The following DDX50 variants were observed in gnomAD, a reference collection of about 807,000 sequenced individuals.
DDX50 encodes DExD-box helicase 50, also known as ATP-dependent RNA helicase DDX50.
Under a neutral mutation model 94.8 loss-of-function variants are expected in DDX50, and 56 were observed. The ratio of observed to expected loss-of-function variants is 0.59; its 90% CI spans 0.48 to 0.74. The LOEUF (loss-of-function observed/expected upper bound fraction) is 0.74. DDX50 is among the 30% of genes least tolerant of loss of function. DDX50 has a pLI of 0.00. For synonymous variants in DDX50, 264 were observed against 295.4 expected (o/e 0.89, Z 1.09); for missense variants, 713 against 881.2 (o/e 0.81, Z 2.42).
intron 2 of DDX50, among the ~76,000 whole-genome samples, chr10:68,907,865 T>C (rs1589249134): frequency 6.6e-6 from 1 of 152,160 alleles, no homozygotes; most frequent in Non-Finnish European, 1.5e-5. Context: ...TTTTGCCTGG[T>C]AAAATCTGTA....
intron 7 of DDX50, among the ~76,000 whole-genome samples, chr10:68,917,018 G>A (rs935283945): frequency 6.6e-6 from 1 of 151,688 alleles, no homozygotes; most frequent in African/African-American, 2.4e-5. Context: ...AATACCTAGT[G>A]TGCACATTGC....
intron 8 of DDX50, among the ~76,000 whole-genome samples, chr10:68,933,262 G>A (rs1370442974): frequency 6.6e-6 from 1 of 152,014 alleles, no homozygotes; most frequent in Non-Finnish European, 1.5e-5. Context: ...TAGAGACAGA[G>A]TTTCACCATG....
chr10:68,938,310 C>A lies in DDX50; in HGVS notation c.1755+1215C>A, dbSNP rs144386672. Among the ~76,000 whole-genome samples, 331 of 152,350 alleles carry A rather than the reference C, an allele frequency of 2.2e-3. 2 individuals are homozygous for A. The highest frequency in any genetic ancestry group is 7.6e-3 in the African/African-American group (317 of 41,582). On this transcript the variant is annotated intron_variant, in intron 12 of 14. Transcript: ENST00000373585. ...AGGGGTTGTGTAAGTGTAACACCATCTGAACTGGCCTGCTGCCAGATTCGT... is the reference window on the plus strand; with the variant it reads ...AGGGGTTGTGTAAGTGTAACACCATATGAACTGGCCTGCTGCCAGATTCGT...
At chr10:68,926,501 A>G (rs1380475050) in intron 8 of DDX50, among the ~76,000 whole-genome samples, 1 of 151,958 alleles carries the variant, frequency 6.6e-6, no homozygotes, top group African/African-American at 2.4e-5. Context: ...GTTATATGGG[A>G]TTTTATGGAT....
chr10:68,946,460 T>C lies in DDX50; in HGVS notation c.2044T>C (p.Trp682Arg), dbSNP rs1482421534. The change falls in exon 15 of 15, where the codon TGG becomes CGG. Residue 682 changes from tryptophan to arginine, a missense_variant. Transcript: ENST00000373585. ...TSSNSRQRSG[W>R]SSGRSGRSGR... ...TTCTAATTCCAGACAGAGGAGTGGC[T>C]GGTCAAGTGGTCGATCAGGCCGGTC... is the stretch of plus-strand genomic sequence containing the variant. 6.2e-7 allele frequency: 1 copy of C among 1,614,082 alleles called. No individual in the cohort carries two copies. Among genetic ancestry groups the C allele is most frequent in the Non-Finnish European group, 8.5e-7 (1 of 1,180,044 alleles).
At chr10:68,915,790 C>T (rs1193720029) in intron 7 of DDX50, among the ~76,000 whole-genome samples, 1 of 151,824 alleles carries the variant, frequency 6.6e-6, no homozygotes, top group African/African-American at 2.4e-5. Context: ...AACATGTCAT[C>T]TTTCTATTTA....
At chr10:68,915,427 GAAA>G (rs983469956) in intron 7 of DDX50, among the ~76,000 whole-genome samples, 1 of 137,772 alleles carries the variant, frequency 7.3e-6, no homozygotes, top group Non-Finnish European at 1.6e-5. Context: ...AAAAATAAAA[GAAA>G]AAAAAGGCTG....
chr10:68,937,374 C>A (rs1391158617), intron 12 of DDX50, among the ~76,000 whole-genome samples: 1 of 133,906 alleles, frequency 7.5e-6, no homozygotes, highest in Non-Finnish European at 1.6e-5. Context: ...TGCTTTATAT[C>A]CTTTTTTAGC....
At chr10:68,909,987 T>C (rs564094739) in intron 2 of DDX50, among the ~76,000 whole-genome samples, 1 of 152,238 alleles carries the variant, frequency 6.6e-6, no homozygotes, top group South Asian at 2.1e-4. Context: ...GGCCAGGAGT[T>C]TAAGATCTGC....
chr10:68,918,576 C>T (rs1038923975), intron 7 of DDX50, among the ~76,000 whole-genome samples: 1 of 151,930 alleles, frequency 6.6e-6, no homozygotes, highest in Admixed American at 6.6e-5. Flanking sequence ...GCTGGGACTA[C>T]AGGTGCCCAT....
intron 12 of DDX50, among the ~76,000 whole-genome samples, chr10:68,939,934 ATC>A (rs1263484430): frequency 1.3e-5 from 2 of 151,454 alleles, no homozygotes; most frequent in Non-Finnish European, 2.9e-5. Flanking sequence ...TTACTGCTGA[ATC>A]TCTAGCACCT....
At chr10:68,918,434 T>G (rs1485070630) in intron 7 of DDX50, among the ~76,000 whole-genome samples, 1 of 138,678 alleles carries the variant, frequency 7.2e-6, no homozygotes. Context: ...CCTCCTTTTT[T>G]TTTTTTTTTT....
intron 4 of DDX50, among the ~76,000 whole-genome samples, chr10:68,912,481 T>TG: frequency 6.6e-6 from 1 of 152,288 alleles, no homozygotes; most frequent in East Asian, 1.9e-4. Context: ...CCCAAGGTGT[T>TG]GGGATTACAG....
intron 7 of DDX50, among the ~76,000 whole-genome samples, chr10:68,918,662 G>T (rs968414180): frequency 1.3e-5 from 2 of 151,464 alleles, no homozygotes; most frequent in East Asian, 2.0e-4. Context: ...CCTGACCTCA[G>T]GTGATCCGCT....
intron 8 of DDX50, among the ~76,000 whole-genome samples, chr10:68,929,893 C>T (rs956601146): frequency 3.3e-5 from 5 of 151,244 alleles, no homozygotes; most frequent in African/African-American, 1.2e-4. Flanking sequence ...ACACCATACC[C>T]GGCTAATTTT....
intron 1 of DDX50, among the ~76,000 whole-genome samples, chr10:68,906,046 G>A (rs746235233): frequency 6.6e-5 from 10 of 152,148 alleles, no homozygotes; most frequent in Non-Finnish European, 1.3e-4. Flanking sequence ...ACCCCGGTAG[G>A]GTTTGGGGCC....
chr10:68,905,351 T>TAA (rs71031803), intron 1 of DDX50, among the ~76,000 whole-genome samples: 3 of 140,234 alleles, frequency 2.1e-5, no homozygotes, highest in African/African-American at 5.3e-5. Context: ...ATTTAAAACG[T>TAA]AAAAAAAAAA....
chr10:68,941,336 A>G, intron 13 of DDX50, 142 bp downstream of exon 13: 1 of 1,152,742 alleles, frequency 8.7e-7, no homozygotes, highest in Non-Finnish European at 1.2e-6. Context: ...TTCCAGTTAT[A>G]AATTTGGGGC....
At chr10:68,907,158 A>C in intron 2 of DDX50, 151 bp downstream of exon 2, 1 of 760,130 alleles carries the variant, frequency 1.3e-6, no homozygotes, top group Non-Finnish European at 2.0e-6. Flanking sequence ...GTGAAGCCTG[A>C]GCCTTTTTTC....
Sources: gnomAD v4.1 joint callset for allele counts (sites outside exome capture counted in the v4.1 genomes callset) on GRCh38, gnomAD v4.1.1 for gene constraint, MANE v1.5 for transcripts, NCBI Gene and HGNC (gene_info 2026-07-23, HGNC 2026-07-21) for gene names.